ZFAND3: variants seen among roughly 807,000 people sequenced by gnomAD.
The protein encoded by ZFAND3 is AN1-type zinc finger protein 3.
ZFAND3 carries 10 observed loss-of-function variants against 29.6 expected under a neutral mutation model. That is an observed-to-expected ratio of 0.34 (90% confidence interval 0.21 to 0.57). The LOEUF (loss-of-function observed/expected upper bound fraction) is 0.57, where lower values mean the gene tolerates loss of function less well. ZFAND3 is among the 20% of genes least tolerant of loss of function. The pLI is 0.86. For synonymous variants in ZFAND3, 128 were observed against 112.6 expected (o/e 1.14, Z -0.87); for missense variants, 230 against 304.5 (o/e 0.76, Z 1.82).
At chr6:38,110,795 C>T (rs1285588235) in intron 4 of ZFAND3, among the ~76,000 whole-genome samples, 1 of 152,200 alleles carries the variant, frequency 6.6e-6, no homozygotes, top group Non-Finnish European at 1.5e-5. Flanking sequence ...GCTTCTCCCA[C>T]TCTCCTATTC....
intron 2 of ZFAND3, among the ~76,000 whole-genome samples, chr6:38,059,648 C>T (rs1379772219): frequency 6.6e-6 from 1 of 152,102 alleles, no homozygotes; most frequent in Non-Finnish European, 1.5e-5. Flanking sequence ...GAGACTGAGG[C>T]GGGCAGATCA....
At chr6:37,931,220 T>C (rs578258981) in intron 2 of ZFAND3, among the ~76,000 whole-genome samples, 1 of 152,314 alleles carries the variant, frequency 6.6e-6, no homozygotes, top group South Asian at 2.1e-4. Context: ...TTCACAGTTG[T>C]AAGCCCTTTT....
intron 1 of ZFAND3, among the ~76,000 whole-genome samples, chr6:37,829,818 A>C (rs866790134): frequency 2.0e-5 from 3 of 152,168 alleles, no homozygotes; most frequent in African/African-American, 4.8e-5. Flanking sequence ...ATTGAGCAGG[A>C]TCTATTAAGG....
intron 3 of ZFAND3, among the ~76,000 whole-genome samples, chr6:38,081,227 A>T (rs1764654849): frequency 6.6e-6 from 1 of 151,894 alleles, no homozygotes. Context: ...GTATTTGCTA[A>T]GTGTTCTTTG....
chr6:37,907,941 A>G (rs1765438912), intron 1 of ZFAND3, among the ~76,000 whole-genome samples: 1 of 152,186 alleles, frequency 6.6e-6, no homozygotes, highest in Non-Finnish European at 1.5e-5. Flanking sequence ...ATACATAACC[A>G]CGATTTTATC....
intron 1 of ZFAND3, among the ~76,000 whole-genome samples, chr6:37,856,371 C>T (rs1764383208): frequency 6.6e-6 from 1 of 152,184 alleles, no homozygotes; most frequent in South Asian, 2.1e-4. Flanking sequence ...TTCCTGGATC[C>T]ATGTTATTCT....
At chr6:38,055,797 G>T (rs1175416970) in intron 2 of ZFAND3, among the ~76,000 whole-genome samples, 1 of 152,182 alleles carries the variant, frequency 6.6e-6, no homozygotes, top group Non-Finnish European at 1.5e-5. Context: ...ATGATGCTAA[G>T]AGTACCCTTA....
At chr6:37,892,546 AC>A (rs1177945133) in intron 1 of ZFAND3, among the ~76,000 whole-genome samples, 1 of 152,256 alleles carries the variant, frequency 6.6e-6, no homozygotes, top group Non-Finnish European at 1.5e-5. Flanking sequence ...CTGTCCTTCT[AC>A]CTTCACTAGA....
intron 2 of ZFAND3, among the ~76,000 whole-genome samples, chr6:38,060,545 C>T (rs1005504849): frequency 6.8e-5 from 10 of 147,904 alleles, no homozygotes; most frequent in African/African-American, 2.2e-4. Flanking sequence ...CCCCCTCTTT[C>T]TTTCTTACTC....
At chr6:37,931,997 G>A (rs1009916891) in intron 2 of ZFAND3, among the ~76,000 whole-genome samples, 1 of 152,174 alleles carries the variant, frequency 6.6e-6, no homozygotes, top group African/African-American at 2.4e-5. Flanking sequence ...CAGGCCGGGC[G>A]CAGTGGCTCA....
chr6:38,095,446 A>T (rs1455908495), intron 4 of ZFAND3, among the ~76,000 whole-genome samples: 1 of 151,208 alleles, frequency 6.6e-6, no homozygotes, highest in South Asian at 2.1e-4. Flanking sequence ...TTTTTTCTAC[A>T]GTATTTGGTT....
At chr6:37,859,381 T>C (rs1764439696) in intron 1 of ZFAND3, among the ~76,000 whole-genome samples, 1 of 152,246 alleles carries the variant, frequency 6.6e-6, no homozygotes, top group South Asian at 2.1e-4. Flanking sequence ...GGACTTGGCC[T>C]GTAATATCTT....
At chr6:37,860,035 C>G (rs1764453823) in intron 1 of ZFAND3, among the ~76,000 whole-genome samples, 1 of 136,260 alleles carries the variant, frequency 7.3e-6, no homozygotes, top group Admixed American at 7.2e-5. Flanking sequence ...CTACGCCCAG[C>G]TAATTTTTTT....
At chr6:38,121,043 C>G (rs1396087550) in intron 5 of ZFAND3, among the ~76,000 whole-genome samples, 1 of 152,186 alleles carries the variant, frequency 6.6e-6, no homozygotes, top group Non-Finnish European at 1.5e-5. Flanking sequence ...AGCTTACAGT[C>G]TAAATCTGTG....
At chr6:37,869,710 AC>A (rs1764657696) in intron 1 of ZFAND3, among the ~76,000 whole-genome samples, 1 of 150,904 alleles carries the variant, frequency 6.6e-6, no homozygotes, top group Non-Finnish European at 1.5e-5. Flanking sequence ...TGGGGGTCTC[AC>A]TTTGTTGCCC....
intron 2 of ZFAND3, among the ~76,000 whole-genome samples, chr6:37,968,819 C>T (rs6916535): frequency 0.045 from 6,895 of 152,306 alleles, 244 homozygotes; most frequent in African/African-American, 0.1. Context: ...CTGGCGCAAG[C>T]CACCATGCCC....
chr6:37,947,966 T>C (rs987022048), intron 2 of ZFAND3, among the ~76,000 whole-genome samples: 5 of 152,220 alleles, frequency 3.3e-5, no homozygotes, highest in African/African-American at 1.2e-4. Context: ...TATTCCATTG[T>C]GCTCAAGAAA....
chr6:38,061,624 C>A lies in ZFAND3; in HGVS notation c.144C>A (p.Ser48=), dbSNP rs567905352. 4 of 1,614,170 alleles carry A rather than the reference C, an allele frequency of 2.5e-6. No homozygotes were observed. The Admixed American group carries it at 6.7e-5, about 27-fold the overall frequency. The change falls in exon 3 of 6, where the codon TCC becomes TCA. Residue 48 remains serine, a synonymous_variant. Transcript: ENST00000287218. ...DFQKKQPDDD[S]APSTSNSQSD... ...AAAAGAAACAGCCAGACGATGATTC[C>A]GCTCCAAGTACAAGTAACAGCCAAT...
chr6:38,104,743 A>C (rs903912325), intron 4 of ZFAND3, among the ~76,000 whole-genome samples: 1 of 152,232 alleles, frequency 6.6e-6, no homozygotes, highest in Non-Finnish European at 1.5e-5. Flanking sequence ...ATAAATTAAT[A>C]ATCATATTTG....
Sources: gnomAD v4.1 joint callset for allele counts (sites outside exome capture counted in the v4.1 genomes callset) on GRCh38, gnomAD v4.1.1 for gene constraint, MANE v1.5 for transcripts, NCBI Gene and HGNC (gene_info 2026-07-23, HGNC 2026-07-21) for gene names.